The following SPATA12 variants were observed in gnomAD, a reference collection of about 807,000 sequenced individuals.
SPATA12 encodes spermatogenesis-associated protein 12.
For synonymous variants in SPATA12, 85 were observed against 89.2 expected (o/e 0.95, Z 0.26); for missense variants, 219 against 226.4 (o/e 0.97, Z 0.21).
intron 1 of SPATA12, 60 bp downstream of exon 1, chr3:57,060,846 A>G (rs1214888868): frequency 7.0e-6 from 1 of 142,592 alleles, no homozygotes; most frequent in East Asian, 2.1e-4. Context: ...ACATGGGCAC[A>G]CACCACCACC....
intron 1 of SPATA12, among the ~76,000 whole-genome samples, chr3:57,072,674 A>C (rs1250182431): frequency 6.7e-6 from 1 of 149,802 alleles, no homozygotes; most frequent in African/African-American, 2.5e-5. Context: ...CCCGGGGGGC[A>C]GAGGTTGCAG....
In SPATA12 at chr3:57,074,157, C is replaced by T; in HGVS notation, c.463C>T (p.Pro155Ser). The T allele has an allele frequency of 6.2e-7, 1 of 1,614,150 alleles. No individual in the cohort carries two copies. Among genetic ancestry groups the T allele is most frequent in the Non-Finnish European group, 8.5e-7 (1 of 1,180,030 alleles). The change falls in exon 2 of 2, where the codon CCC becomes TCC. Residue 155 changes from proline to serine, a missense_variant. By Grantham distance (74) the Pro-to-Ser change is moderately conservative. Transcript: ENST00000334325. The part of the protein sequence containing the change: ...WRLCEDIDAE[P>S]SSTGCSRSNQ... ...ACTGTGTGAGGATATAGATGCCGAG[C>T]CCAGTAGCACAGGGTGCAGCCGTTC... is the stretch of plus-strand genomic sequence containing the variant.
chr3:57,071,334 C>T (rs1208841481), intron 1 of SPATA12, among the ~76,000 whole-genome samples: 1 of 152,092 alleles, frequency 6.6e-6, no homozygotes, highest in African/African-American at 2.4e-5. Flanking sequence ...AGTTCTAAAT[C>T]TAAGAGCTAA....
At chr3:57,062,999 A>G (rs1466451146) in intron 1 of SPATA12, among the ~76,000 whole-genome samples, 1 of 152,228 alleles carries the variant, frequency 6.6e-6, no homozygotes, top group Non-Finnish European at 1.5e-5. Flanking sequence ...ATATTGGATA[A>G]CGATAGTGTA....
At position 57,073,874 on chromosome 3, in the gene SPATA12, G is replaced by T; in HGVS notation, c.180G>T (p.Leu60=). 1.2e-6 allele frequency: 2 copies of T among 1,614,180 alleles called. No individual in the cohort carries two copies. Among genetic ancestry groups the T allele is most frequent in the Non-Finnish European group, 1.7e-6 (2 of 1,180,034 alleles). Residue 60 remains leucine (L), a synonymous_variant, in exon 2 of 2, where the codon CTG becomes CTT. Transcript: ENST00000334325. ...CATCATGCCAGGGTCCAGGTGTCCT[G>T]CCAGGAGCAGCCTCTGCCCTCCCAG... ...ALASCQGPGV[L]PGAASALPEL...
chr3:57,060,675 G>C lies in SPATA12; in HGVS notation c.-441G>C, dbSNP rs988659774. ...TGACTGCCCTGCCCACAGTCACTGA[G>C]AAAATTCTTTGTGCAGGCTCACCTT... On this transcript the variant is annotated 5_prime_UTR_variant, in exon 1 of 2. Transcript: ENST00000334325. 4 of 152,316 alleles carry C rather than the reference G, an allele frequency of 2.6e-5. No homozygotes were observed. Among genetic ancestry groups the C allele is most frequent in the Non-Finnish European group, 4.4e-5 (3 of 68,124 alleles). The allele number at this position is 152,316 out of a possible 1,614,324, so 9.4% of individuals were successfully genotyped here.
At chr3:57,062,121 C>A (rs982657580) in intron 1 of SPATA12, among the ~76,000 whole-genome samples, 1 of 151,798 alleles carries the variant, frequency 6.6e-6, no homozygotes, top group African/African-American at 2.4e-5. Flanking sequence ...AATCCAACTC[C>A]ATCTAGATGG....
chr3:57,071,262 C>CA (rs1320008534), intron 1 of SPATA12, among the ~76,000 whole-genome samples: 2 of 152,080 alleles, frequency 1.3e-5, no homozygotes, highest in Non-Finnish European at 2.9e-5. Flanking sequence ...TTTCCATATG[C>CA]AAAAAATGAA....
At chr3:57,069,404 C>CACACAA (rs1442064486) in intron 1 of SPATA12, among the ~76,000 whole-genome samples, 1 of 151,972 alleles carries the variant, frequency 6.6e-6, no homozygotes, top group Non-Finnish European at 1.5e-5. Flanking sequence ...CACACACACA[C>CACACAA]ACACACATTG....
rs191538203 is a variant in SPATA12 at position 57,074,502 on chromosome 3, T to C, written c.*235T>C. 5.4e-6 allele frequency: 3 copies of C among 558,036 alleles called. No individual in the cohort carries two copies. Among genetic ancestry groups the C allele is most frequent in the Middle Eastern group, 4.9e-4 (1 of 2,026 alleles). 34.6% of individuals were successfully genotyped at this position (558,036 alleles called of 1,614,324 possible). On this transcript the variant is annotated 3_prime_UTR_variant, in exon 2 of 2. Coordinates refer to ENST00000334325, the MANE Select transcript of SPATA12 (RefSeq NM_181727.2). ...AAGTTACTGGCACAAGGTCACACAATCCAGATCTCATACTCTTAGCCCCCG... is the reference window on the plus strand; with the variant it reads ...AAGTTACTGGCACAAGGTCACACAACCCAGATCTCATACTCTTAGCCCCCG...
Position 57,073,692 on chromosome 3 carries a change from C to T in SPATA12, c.-3C>T, listed in dbSNP as rs1706059525. ...GGAGAATTCTGTTTTTGACTTGGGC[C>T]CCATGTCCAGTTCTGCTCTGACTTG... On this transcript the variant is annotated 5_prime_UTR_variant, in exon 2 of 2. Transcript: ENST00000334325. The T allele has an allele frequency of 1.2e-6, 2 of 1,605,858 alleles. No individual in the cohort carries two copies. Among genetic ancestry groups the T allele is most frequent in the South Asian group, 2.2e-5 (2 of 89,902 alleles).
intron 1 of SPATA12, among the ~76,000 whole-genome samples, chr3:57,061,504 A>G (rs1162067455): frequency 6.6e-6 from 1 of 152,176 alleles, no homozygotes; most frequent in African/African-American, 2.4e-5. Context: ...ATTCCATTGT[A>G]TGTACATACC....
At position 57,074,528 on chromosome 3, in the gene SPATA12, G is replaced by C; in HGVS notation, c.*261G>C. ...CCAGATCTCATACTCTTAGCCCCCGGGGAACCTTCACTGTATTAAATGACA... is the reference window on the plus strand; with the variant it reads ...CCAGATCTCATACTCTTAGCCCCCGCGGAACCTTCACTGTATTAAATGACA... On this transcript the variant is annotated 3_prime_UTR_variant, in exon 2 of 2. Transcript: ENST00000334325. The C allele has an allele frequency of 2.1e-6, 1 of 481,828 alleles. No individual in the cohort carries two copies. The highest frequency in any genetic ancestry group is 3.8e-6 in the Non-Finnish European group (1 of 262,176). 29.8% of individuals were successfully genotyped at this position (481,828 alleles called of 1,614,324 possible).
chr3:57,074,209 G>C lies in SPATA12; in HGVS notation c.515G>C (p.Cys172Ser). Residue 172 changes from cysteine (C) to serine (S), a missense_variant, in exon 2 of 2, where the codon TGC (cysteine) becomes TCC (serine). Coordinates refer to ENST00000334325, the MANE Select transcript of SPATA12 (RefSeq NM_181727.2). The part of the protein sequence containing the change: ...RSNQLTFTEG[C>S]FVRSLSTVYS... ...AACCAACTGACATTTACTGAGGGCT[G>C]CTTTGTCAGGTCCCTCTCTACAGTA... 6.2e-7 allele frequency: 1 copy of C among 1,614,082 alleles called. No homozygotes were observed.
chr3:57,073,770 T>C lies in SPATA12; in HGVS notation c.76T>C (p.Ser26Pro). The part of the protein sequence containing the change: ...GDTWEMKALD[S>P]SRLVPWPPRG... ...CACCTGGGAAATGAAGGCACTAGACTCTTCCAGACTCGTTCCATGGCCACC... is the reference window on the plus strand; with the variant it reads ...CACCTGGGAAATGAAGGCACTAGACCCTTCCAGACTCGTTCCATGGCCACC... Residue 26 changes from serine (S) to proline (P), a missense_variant, in exon 2 of 2, where the codon TCT becomes CCT. Coordinates refer to ENST00000334325, the MANE Select transcript of SPATA12 (RefSeq NM_181727.2). The C allele has an allele frequency of 6.2e-7, 1 of 1,614,222 alleles. No individual in the cohort carries two copies. The highest frequency in any genetic ancestry group is 8.5e-7 in the Non-Finnish European group (1 of 1,180,036).
chr3:57,062,419 C>G (rs1028138855), intron 1 of SPATA12, among the ~76,000 whole-genome samples: 4 of 152,222 alleles, frequency 2.6e-5, no homozygotes, highest in Non-Finnish European at 4.4e-5. Flanking sequence ...CCACAGCCCC[C>G]ACTCGGGCTC....
Position 57,073,522 on chromosome 3 carries a change from T to A in SPATA12, c.-173T>A. ...CTGCAGTATCTGGGTGACTGTGGGG[T>A]TTGGCTCTGTTTGAGCACCCCGGGA... On this transcript the variant is annotated 5_prime_UTR_variant, in exon 2 of 2. Coordinates refer to ENST00000334325, the MANE Select transcript of SPATA12 (RefSeq NM_181727.2). 1 of 1,052,692 alleles carries A rather than the reference T, an allele frequency of 9.5e-7. No individual in the cohort carries two copies. The highest frequency in any genetic ancestry group is 1.6e-5 in the African/African-American group (1 of 62,438). 65.2% of individuals were successfully genotyped at this position (1,052,692 alleles called of 1,614,324 possible). A position where few individuals can be genotyped will look rare whatever the true frequency, so the allele number is the denominator to read the frequency against.
intron 1 of SPATA12, among the ~76,000 whole-genome samples, chr3:57,064,211 G>A (rs1303433249): frequency 6.6e-6 from 1 of 152,194 alleles, no homozygotes; most frequent in Non-Finnish European, 1.5e-5. Context: ...AGAGGTTGCA[G>A]TGAGCTGAGA....
chr3:57,068,039 G>A (rs1459642326), intron 1 of SPATA12, among the ~76,000 whole-genome samples: 1 of 151,972 alleles, frequency 6.6e-6, no homozygotes, highest in African/African-American at 2.4e-5. Flanking sequence ...CCGGTGTGGT[G>A]GCATGCACCT....
Sources: allele counts gnomAD v4.1 joint callset (sites outside exome capture counted in the v4.1 genomes callset), GRCh38; gene constraint gnomAD v4.1.1; transcripts MANE v1.5; gene names NCBI Gene and HGNC (gene_info 2026-07-23, HGNC 2026-07-21).